The following LARGE1 variants were observed in gnomAD, a reference collection of about 807,000 sequenced individuals.
LARGE1 encodes xylosyl- and glucuronyltransferase LARGE1.
Under a neutral mutation model 87.6 loss-of-function variants are expected in LARGE1, and 43 were observed. The observed-to-expected ratio is 0.49, with a 90% CI of 0.38 to 0.63. The LOEUF (loss-of-function observed/expected upper bound fraction) is 0.63. Ranked by LOEUF, LARGE1 falls within the 30% of genes least tolerant of loss-of-function variation. LARGE1 has a pLI of 0.00. For missense variants in LARGE1, 802 were observed against 1,000.2 expected (o/e 0.80, Z 2.67); for synonymous variants, 434 against 394.6 (o/e 1.10, Z -1.18).
In LARGE1 at chr22:33,530,587, G is replaced by C. The variant is rs1005093847; in HGVS notation, c.787+34261C>G. Among the ~76,000 whole-genome samples, 7 of 150,650 alleles carry C rather than the reference G, an allele frequency of 4.6e-5. No individual in the cohort carries two copies. In the South Asian group the frequency reaches 1.5e-3, roughly 32 times the overall value. On this transcript the variant is annotated intron_variant, in intron 6 of 14. Transcript: ENST00000397394. ...ACGTCCTTCTCCTTTAAGCACTCTT[G>C]TTTTCTCTGGCCTTACAAGATTCAG... is the stretch of plus-strand genomic sequence containing the variant.
chr22:33,287,340 A>G (rs544749251), intron 12 of LARGE1, among the ~76,000 whole-genome samples: 1 of 152,208 alleles, frequency 6.6e-6, no homozygotes, highest in Non-Finnish European at 1.5e-5. Flanking sequence ...CAGTCCTAGC[A>G]AGCCTTATTT....
At chr22:33,578,728 A>T (rs916190732) in intron 5 of LARGE1, among the ~76,000 whole-genome samples, 5 of 152,212 alleles carry the variant, frequency 3.3e-5, no homozygotes, top group Admixed American at 1.3e-4. Flanking sequence ...AAATGGATTC[A>T]AATATGATAC....
At chr22:33,768,055 A>C (rs1296026509) in intron 1 of LARGE1, among the ~76,000 whole-genome samples, 1 of 152,248 alleles carries the variant, frequency 6.6e-6, no homozygotes, top group Non-Finnish European at 1.5e-5. Context: ...GACGCCTGTA[A>C]TCCCAACACT....
chr22:33,560,783 G>T (rs1203096588), intron 6 of LARGE1, among the ~76,000 whole-genome samples: 3 of 151,588 alleles, frequency 2.0e-5, no homozygotes, highest in Admixed American at 6.6e-5. Flanking sequence ...AGCATGAAAA[G>T]TAATTTAATC....
chr22:33,908,931 C>T (rs1393801017), intron 1 of LARGE1, among the ~76,000 whole-genome samples: 1 of 152,140 alleles, frequency 6.6e-6, no homozygotes, highest in Admixed American at 6.5e-5. Context: ...ACTTTGCTCT[C>T]AGCTCCACGC....
intron 6 of LARGE1, among the ~76,000 whole-genome samples, chr22:33,560,355 T>C (rs2077818253): frequency 1.3e-5 from 2 of 152,172 alleles, no homozygotes; most frequent in South Asian, 4.1e-4. Flanking sequence ...ATGGCACATC[T>C]GCGGTGCCGT....
intron 6 of LARGE1, among the ~76,000 whole-genome samples, chr22:33,447,438 G>A (rs936800232): frequency 6.6e-6 from 1 of 152,008 alleles, no homozygotes; most frequent in Admixed American, 6.5e-5. Flanking sequence ...CCAGGAGCCG[G>A]GAGGTGAGAG....
At chr22:33,561,993 G>C (rs889527774) in intron 6 of LARGE1, among the ~76,000 whole-genome samples, 2 of 152,220 alleles carry the variant, frequency 1.3e-5, no homozygotes, top group African/African-American at 4.8e-5. Flanking sequence ...ACAACCAGCT[G>C]TTCTCAAAAA....
chr22:33,244,527 C>G (rs1254634663), intron 11 of LARGE1, among the ~76,000 whole-genome samples: 2 of 152,120 alleles, frequency 1.3e-5, no homozygotes, highest in African/African-American at 2.4e-5. Flanking sequence ...TTGTTTGGAT[C>G]AAAGTGGAAG....
chr22:33,799,043 T>G (rs1231220805), intron 1 of LARGE1, among the ~76,000 whole-genome samples: 1 of 152,124 alleles, frequency 6.6e-6, no homozygotes, highest in Middle Eastern at 3.2e-3. Flanking sequence ...CATGGATAAT[T>G]TGGACAATTT....
chr22:33,441,447 T>C (rs2067473543), intron 6 of LARGE1, among the ~76,000 whole-genome samples: 1 of 152,030 alleles, frequency 6.6e-6, no homozygotes, highest in African/African-American at 2.4e-5. Context: ...AATCTCTCTC[T>C]TTCTCTCTCT....
At chr22:33,185,230 A>T (rs1054075291) in intron 11 of LARGE1, among the ~76,000 whole-genome samples, 5 of 152,214 alleles carry the variant, frequency 3.3e-5, no homozygotes, top group Non-Finnish European at 5.9e-5. Context: ...TGACAAAGAT[A>T]TAAGCTATCA....
intron 7 of LARGE1, among the ~76,000 whole-genome samples, chr22:33,395,658 T>TACC (rs1301233704): frequency 1.3e-5 from 2 of 152,182 alleles, no homozygotes; most frequent in Admixed American, 6.5e-5. Context: ...TCAGACCACA[T>TACC]ACCTCCTTGG....
At chr22:33,814,957 G>T (rs1230714423) in intron 1 of LARGE1, among the ~76,000 whole-genome samples, 1 of 152,166 alleles carries the variant, frequency 6.6e-6, no homozygotes, top group Non-Finnish European at 1.5e-5. Flanking sequence ...GACATTAAAC[G>T]ACAAGGCCAT....
At chr22:33,753,682 C>T (rs2145660563) in intron 2 of LARGE1, among the ~76,000 whole-genome samples, 1 of 152,288 alleles carries the variant, frequency 6.6e-6, no homozygotes, top group Non-Finnish European at 1.5e-5. Context: ...AAAGGAGATG[C>T]AGCCAATGGA....
In LARGE1 at chr22:33,791,574, T is replaced by A. The variant is rs758515210; in HGVS notation, c.-82-30016A>T. On this transcript the variant is annotated intron_variant, in intron 1 of 14. Transcript: ENST00000397394. ...GCCTAAAGGGAAAAGTGCCACTTCA[T>A]CTGAAAATTCATTTGTATGGAATAT... Among the ~76,000 whole-genome samples the A allele has an allele frequency of 2.0e-5, 3 of 152,256 alleles. 1 individual carries two copies. The East Asian group carries it at 5.8e-4, about 29-fold the overall frequency.
Position 33,274,923 on chromosome 22 carries a change from C to T in LARGE1, c.2074-299G>A, listed in dbSNP as rs116166622. Among the ~76,000 whole-genome samples, 591 of 152,222 alleles carry T rather than the reference C, an allele frequency of 3.9e-3. 4 individuals are homozygous for T. Among genetic ancestry groups the T allele is most frequent in the African/African-American group, 0.014 (564 of 41,516 alleles). ...CAATACTGTATAAACAGTGCTGAGC[C>T]GAGCTCATGGCCTAGAAAAGGTTTC... On this transcript the variant is annotated intron_variant, in intron 14 of 14. Coordinates refer to ENST00000397394, the MANE Select transcript of LARGE1 (RefSeq NM_133642.5).
At chr22:33,768,405 C>A (rs1174501670) in intron 1 of LARGE1, among the ~76,000 whole-genome samples, 1 of 150,912 alleles carries the variant, frequency 6.6e-6, no homozygotes, top group Non-Finnish European at 1.5e-5. Flanking sequence ...TACTGCACAC[C>A]TTTACCCAAG....
At chr22:33,437,371 C>A (rs1020639357) in intron 6 of LARGE1, among the ~76,000 whole-genome samples, 2 of 152,178 alleles carry the variant, frequency 1.3e-5, no homozygotes, top group Non-Finnish European at 2.9e-5. Context: ...CTGGCTCTTC[C>A]ACTTACTAGC....
Sources: gnomAD v4.1 joint callset for allele counts (sites outside exome capture counted in the v4.1 genomes callset) on GRCh38, gnomAD v4.1.1 for gene constraint, MANE v1.5 for transcripts, NCBI Gene and HGNC (gene_info 2026-07-23, HGNC 2026-07-21) for gene names.